CNTN4: variants seen among roughly 807,000 people sequenced by gnomAD.
The protein encoded by CNTN4 is contactin-4.
Under a neutral mutation model 122.5 loss-of-function variants are expected in CNTN4, and 77 were observed. The ratio of observed to expected loss-of-function variants is 0.63; its 90% confidence interval spans 0.52 to 0.76. The LOEUF (loss-of-function observed/expected upper bound fraction) is 0.76. Among genes scored for constraint, CNTN4 ranks in the 30% least tolerant of loss-of-function variants. CNTN4 has a pLI of 0.00. For missense variants in CNTN4, 1,256 were observed against 1,259.1 expected (o/e 1.00, Z 0.04); for synonymous variants, 512 against 447.0 (o/e 1.15, Z -1.83).
At chr3:2,925,556 A>C in intron 12 of CNTN4, 73 bp from the exon 13 acceptor site, 1 of 1,507,836 alleles carries the variant, frequency 6.6e-7, no homozygotes, top group Non-Finnish European at 9.1e-7. Flanking sequence ...AAAAAGAAAG[A>C]AAGAAAAAGA....
intron 2 of CNTN4, among the ~76,000 whole-genome samples, chr3:2,169,475 C>T (rs190835047): frequency 0.016 from 2,363 of 152,020 alleles, 59 homozygotes; most frequent in African/African-American, 0.051. Context: ...GGCGCGATCT[C>T]GGCTCACTGC....
chr3:2,192,299 C>G (rs112092054), intron 2 of CNTN4, among the ~76,000 whole-genome samples: 3 of 151,916 alleles, frequency 2.0e-5, no homozygotes, highest in African/African-American at 7.3e-5. Context: ...CTTGAGGAAT[C>G]GCCACACTGT....
intron 2 of CNTN4, chr3:2,262,422 C>T (rs915786916): frequency 9.9e-5 from 15 of 152,136 alleles, no homozygotes; most frequent in Non-Finnish European, 2.9e-5. Context: ...TAAAAGCTCT[C>T]ATGCTGAGGT....
At chr3:2,860,721 C>T (rs1333061539) in intron 7 of CNTN4, among the ~76,000 whole-genome samples, 1 of 150,716 alleles carries the variant, frequency 6.6e-6, no homozygotes, top group African/African-American at 2.5e-5. Context: ...TTATATTTAT[C>T]ATTCTGTGTC....
chr3:2,241,085 G>A (rs1320050300), intron 2 of CNTN4, among the ~76,000 whole-genome samples: 1 of 151,950 alleles, frequency 6.6e-6, no homozygotes, highest in African/African-American at 2.4e-5. Context: ...TCAAAAGAAT[G>A]CAAATCAGTA....
intron 4 of CNTN4, among the ~76,000 whole-genome samples, chr3:2,656,150 A>C (rs962010669): frequency 6.6e-6 from 1 of 152,246 alleles, no homozygotes; most frequent in Non-Finnish European, 1.5e-5. Context: ...ATTAAAAGAG[A>C]ATAATTATAA....
intron 3 of CNTN4, among the ~76,000 whole-genome samples, chr3:2,472,573 T>C (rs2075719143): frequency 6.6e-6 from 1 of 152,142 alleles, no homozygotes; most frequent in Non-Finnish European, 1.5e-5. Context: ...GTAAGCAAGA[T>C]TATTTTGGAA....
intron 3 of CNTN4, among the ~76,000 whole-genome samples, chr3:2,540,912 A>G (rs967824821): frequency 6.6e-5 from 10 of 152,162 alleles, no homozygotes; most frequent in Non-Finnish European, 1.3e-4. Flanking sequence ...AATGGAACCA[A>G]TTGTACCTGT....
chr3:2,983,469 G>A (rs1694250197), intron 13 of CNTN4, among the ~76,000 whole-genome samples: 1 of 151,942 alleles, frequency 6.6e-6, no homozygotes, highest in Non-Finnish European at 1.5e-5. Flanking sequence ...GTCCAGGAAG[G>A]CACAGAGCTT....
At chr3:2,866,018 T>C (rs964196906) in intron 7 of CNTN4, among the ~76,000 whole-genome samples, 1 of 152,176 alleles carries the variant, frequency 6.6e-6, no homozygotes, top group African/African-American at 2.4e-5. Context: ...GTGGAATCAG[T>C]CAACTAGTCA....
chr3:2,902,783 C>T, intron 11 of CNTN4, 93 bp from the exon 12 acceptor site: 1 of 1,347,864 alleles, frequency 7.4e-7, no homozygotes, highest in South Asian at 1.3e-5. Context: ...GTTTTCTTCC[C>T]ATTAAGCTTC....
intron 4 of CNTN4, among the ~76,000 whole-genome samples, chr3:2,702,859 T>C (rs2086437544): frequency 6.6e-6 from 1 of 152,190 alleles, no homozygotes; most frequent in Non-Finnish European, 1.5e-5. Context: ...ATTTCTTTTG[T>C]AGTTTGTTCC....
intron 2 of CNTN4, among the ~76,000 whole-genome samples, chr3:2,258,686 A>G (rs930550864): frequency 1.3e-5 from 2 of 152,070 alleles, no homozygotes; most frequent in Admixed American, 6.6e-5. Flanking sequence ...CATGCAGCCT[A>G]TTTCTCAATT....
At chr3:2,639,592 A>C (rs1046284746) in intron 4 of CNTN4, among the ~76,000 whole-genome samples, 1 of 152,174 alleles carries the variant, frequency 6.6e-6, no homozygotes, top group Non-Finnish European at 1.5e-5. Context: ...TAAATTCTTC[A>C]AGGGCATGCA....
intron 6 of CNTN4, among the ~76,000 whole-genome samples, chr3:2,765,387 G>C (rs560697904): frequency 6.6e-6 from 1 of 152,084 alleles, no homozygotes; most frequent in Non-Finnish European, 1.5e-5. Context: ...CTTTTTTTCC[G>C]GGTTAAGAAG....
chr3:2,684,595 C>T (rs1371436401), intron 4 of CNTN4, among the ~76,000 whole-genome samples: 1 of 151,908 alleles, frequency 6.6e-6, no homozygotes, highest in South Asian at 2.1e-4. Context: ...AACATTGGAC[C>T]CTGAGCAAGT....
At position 2,777,985 on chromosome 3, in the gene CNTN4, T is replaced by C. The variant is rs141936181; in HGVS notation, c.358+32288T>C. Among the ~76,000 whole-genome samples, 408 of 151,890 alleles carry C rather than the reference T, an allele frequency of 2.7e-3. 2 individuals carry two copies. The highest frequency in any genetic ancestry group is 6.8e-3 in the Middle Eastern group (2 of 294). ...ATGCCAGCACTTTGGGAGGCCGAGG[T>C]GGGCGGATCATGAGGTCAGGAGATC... is the stretch of plus-strand genomic sequence containing the variant. On this transcript the variant is annotated intron_variant, in intron 6 of 24. Coordinates refer to ENST00000418658, the MANE Select transcript of CNTN4 (RefSeq NM_175607.3).
intron 2 of CNTN4, among the ~76,000 whole-genome samples, chr3:2,236,650 C>T (rs2039691920): frequency 6.6e-6 from 1 of 152,160 alleles, no homozygotes; most frequent in Admixed American, 6.5e-5. Context: ...GCAACACAAG[C>T]CATGTCTGTG....
chr3:2,167,014 A>G (rs2036224533), intron 2 of CNTN4, among the ~76,000 whole-genome samples: 1 of 152,174 alleles, frequency 6.6e-6, no homozygotes, highest in African/African-American at 2.4e-5. Context: ...TTCACTATGT[A>G]TATGTATATC....
Sources: allele counts gnomAD v4.1 joint callset (sites outside exome capture counted in the v4.1 genomes callset), GRCh38; gene constraint gnomAD v4.1.1; transcripts MANE v1.5; gene names NCBI Gene and HGNC (gene_info 2026-07-23, HGNC 2026-07-21).